CLEC4A: variants seen among roughly 807,000 people sequenced by gnomAD.
CLEC4A encodes C-type lectin domain family 4 member A.
A neutral mutation model predicts 32.7 loss-of-function variants in CLEC4A; 27 were observed. The ratio of observed to expected loss-of-function variants is 0.83; its 90% confidence interval spans 0.61 to 1.14. CLEC4A has a LOEUF of 1.14. CLEC4A is among the 50% of genes most tolerant of loss of function. The probability of loss-of-function intolerance (pLI) is 0.00; values close to 1 mark genes in which losing one functional copy is unlikely to be tolerated. For missense variants in CLEC4A, 253 were observed against 274.6 expected, an observed-to-expected ratio of 0.92 and a Z score of 0.55; for synonymous variants, 89 against 93.7, an observed-to-expected ratio of 0.95 and a Z score of 0.29.
Position 8,129,324 on chromosome 12 carries a change from C to T in CLEC4A, c.260C>T (p.Thr87Ile). The change falls in exon 3 of 6, where the codon ACA becomes ATA. Residue 87 changes from threonine to isoleucine, a missense_variant. Physicochemically the swap from Thr to Ile is moderately conservative, Grantham distance 89 (BLOSUM62 -1). Transcript: ENST00000229332. ...EKKTTKELVH[T>I]TLECVKKNMP... The stretch of plus-strand genomic sequence containing the variant: ...AAGACTACAAAAGAGCTGGTTCATA[C>T]AACATTGGAGTGTGTGAAAAAAAAT... 1.3e-6 allele frequency: 2 copies of T among 1,596,518 alleles called. No individual in the cohort carries two copies. Among genetic ancestry groups the T allele is most frequent in the Non-Finnish European group, 1.7e-6 (2 of 1,170,790 alleles).
At chr12:8,108,129 AT>A in the CLEC4A span, among the ~76,000 whole-genome samples, 1 of 152,068 alleles carries the variant, frequency 6.6e-6, no homozygotes, top group East Asian at 1.9e-4. Flanking sequence ...TTCCACCTTA[AT>A]TTTATTGTTT....
chr12:8,131,172 CA>C (rs1377712702), intron 3 of CLEC4A, among the ~76,000 whole-genome samples: 2 of 152,158 alleles, frequency 1.3e-5, no homozygotes, highest in African/African-American at 4.8e-5. Context: ...CATATATTAT[CA>C]AAATGATTCT....
At chr12:8,120,806 T>C (rs1947825170), upstream of CLEC4A, 1 of 152,220 alleles carries the variant, frequency 6.6e-6, no homozygotes, top group Admixed American at 6.5e-5. Flanking sequence ...GATTCTATTA[T>C]TGTTTCCAAA....
At chr12:8,138,039 C>T (rs1948155898) in intron 5 of CLEC4A, 101 bp from the exon 6 acceptor site, 1 of 1,308,728 alleles carries the variant, frequency 7.6e-7, no homozygotes, top group Non-Finnish European at 1.0e-6. Flanking sequence ...CATATCTGAC[C>T]CTATGTTCCA....
intron 4 of CLEC4A, among the ~76,000 whole-genome samples, chr12:8,136,563 CAAA>C (rs5796306): frequency 4.3e-4 from 43 of 100,434 alleles, no homozygotes; most frequent in Admixed American, 5.4e-4. Flanking sequence ...GACTCCATCT[CAAA>C]AAAAAAAAAA....
At chr12:8,113,757 G>A in the CLEC4A span, among the ~76,000 whole-genome samples, 1 of 152,284 alleles carries the variant, frequency 6.6e-6, no homozygotes, top group South Asian at 2.1e-4. Context: ...AGAGTTAAAT[G>A]GGGAAGAGGG....
chr12:8,113,327 T>G, the CLEC4A span, among the ~76,000 whole-genome samples: 38 of 152,134 alleles, frequency 2.5e-4, no homozygotes, highest in Non-Finnish European at 4.4e-4. Context: ...TAGTATTCCA[T>G]GGTGTATATG....
rs997590445 is a variant in CLEC4A at position 8,138,443 on chromosome 12, A to G, written c.*156A>G. ...AGAGAATTGGTCTGTACATTGACTG[A>G]TTCACTTTTTCATAAAGTGAGCATT... On this transcript the variant is annotated 3_prime_UTR_variant, in exon 6 of 6. Transcript: ENST00000229332. 3.8e-5 allele frequency: 33 copies of G among 877,762 alleles called. No homozygotes were observed. In the Middle Eastern group the frequency reaches 7.1e-4, roughly 19 times the overall value. The allele number at this position is 877,762 out of a possible 1,614,324, so 54.4% of individuals were successfully genotyped here.
At chr12:8,111,178 CTTTTTTTTTTTT>C in the CLEC4A span, among the ~76,000 whole-genome samples, 25 of 100,308 alleles carry the variant, frequency 2.5e-4, no homozygotes, top group African/African-American at 9.3e-4. Flanking sequence ...GGCCCAACAT[CTTTTTTTTTTTT>C]TTTTTTTTGA....
chr12:8,103,373 G>GTT, the CLEC4A span, among the ~76,000 whole-genome samples: 521 of 78,010 alleles, frequency 6.7e-3, 113 homozygotes, highest in African/African-American at 0.026. Context: ...GTTTCTTTCT[G>GTT]TTGTTTTTTT....
At chr12:8,122,726 G>A (rs1947844860), upstream of CLEC4A, among the ~76,000 whole-genome samples, 1 of 152,044 alleles carries the variant, frequency 6.6e-6, no homozygotes, top group Non-Finnish European at 1.5e-5. Context: ...TGAAACTTGT[G>A]GTGTTAGATT....
At chr12:8,109,206 T>C in the CLEC4A span, among the ~76,000 whole-genome samples, 2 of 152,218 alleles carry the variant, frequency 1.3e-5, no homozygotes, top group African/African-American at 4.8e-5. Flanking sequence ...CCAAAGTTTG[T>C]TGAGAATGTA....
chr12:8,123,114 C>T (rs570731418), upstream of CLEC4A, among the ~76,000 whole-genome samples: 4 of 152,180 alleles, frequency 2.6e-5, no homozygotes, highest in Admixed American at 6.5e-5. Context: ...GGTGATGTGG[C>T]GATTAAAAGG....
At position 8,134,487 on chromosome 12, in the gene CLEC4A, A is replaced by G. The variant is rs1177113346; in HGVS notation, c.299-1098A>G. 3.1e-6 allele frequency: 5 copies of G among 1,613,846 alleles called. No individual in the cohort carries two copies. In the South Asian group the frequency reaches 3.3e-5, roughly 11 times the overall value. On this transcript the variant is annotated intron_variant, in intron 3 of 5. Transcript: ENST00000229332. ...CTCCAGCTTCTCCTTCTCCAGCTTC[A>G]CGGCACCAGAGGGGACGGTGCAGGG...
chr12:8,113,964 C>G, the CLEC4A span, among the ~76,000 whole-genome samples: 1 of 152,110 alleles, frequency 6.6e-6, no homozygotes, highest in South Asian at 2.1e-4. Context: ...GGCACCTGCA[C>G]AGTTTCAGGT....
intron 5 of CLEC4A, among the ~76,000 whole-genome samples, chr12:8,137,376 T>C (rs1948140992): frequency 6.6e-6 from 1 of 152,162 alleles, no homozygotes; most frequent in African/African-American, 2.4e-5. Flanking sequence ...ATTCCTGGGC[T>C]CAACTGATCC....
rs1323181768 is a variant in CLEC4A, at chr12:8,135,588, C to T, written c.302C>T (p.Thr101Ile). Residue 101 changes from threonine to isoleucine, a missense_variant, in exon 4 of 6, where the codon ACA (threonine) becomes ATA (isoleucine). By Grantham distance (89) the Thr-to-Ile change is moderately conservative. Coordinates refer to ENST00000229332, the MANE Select transcript of CLEC4A (RefSeq NM_016184.4). ...TGTGCCCCTCTTCCCAATACAGAGA[C>T]AGCCTGGAGCTGTTGCCCAAAGAAT... The part of the protein sequence containing the change: ...CVKKNMPVEE[T>I]AWSCCPKNWK... 3.1e-6 allele frequency: 5 copies of T among 1,614,030 alleles called. No homozygotes were observed. The Admixed American group carries it at 6.7e-5, about 22-fold the overall frequency.
chr12:8,122,278 G>T (rs1225114129), upstream of CLEC4A, among the ~76,000 whole-genome samples: 2 of 152,054 alleles, frequency 1.3e-5, no homozygotes, highest in Non-Finnish European at 2.9e-5. Flanking sequence ...CCAGGGTGAG[G>T]AGGGCTTCCA....
At position 8,135,577 on chromosome 12, in the gene CLEC4A, C is replaced by G; in HGVS notation, c.299-8C>G. On this transcript the variant is annotated splice_region_variant and splice_polypyrimidine_tract_variant and intron_variant, in intron 3 of 5. Coordinates refer to ENST00000229332, the MANE Select transcript of CLEC4A (RefSeq NM_016184.4). ...TATTGCACGTATGTGCCCCTCTTCC[C>G]AATACAGAGACAGCCTGGAGCTGTT... 6.2e-7 allele frequency: 1 copy of G among 1,613,858 alleles called. No individual in the cohort carries two copies. Among genetic ancestry groups the G allele is most frequent in the Non-Finnish European group, 8.5e-7 (1 of 1,179,808 alleles).
Sources: gnomAD v4.1 joint callset for allele counts (sites outside exome capture counted in the v4.1 genomes callset) on GRCh38, gnomAD v4.1.1 for gene constraint, MANE v1.5 for transcripts, NCBI Gene and HGNC (gene_info 2026-07-23, HGNC 2026-07-21) for gene names.